Variants in CDH13 observed in about 807,000 individuals in gnomAD.
CDH13 encodes the protein cadherin-13.
A neutral mutation model predicts 63.8 loss-of-function variants in CDH13; 24 were observed. That is an observed-to-expected ratio of 0.38 (90% CI 0.27 to 0.53). The LOEUF (loss-of-function observed/expected upper bound fraction) is 0.53, where lower values mean the gene tolerates loss of function less well. Among genes scored for constraint, CDH13 ranks in the 20% least tolerant of loss-of-function variants. The pLI is 0.85. For missense variants in CDH13, 1,049 were observed against 903.1 expected (o/e 1.16, Z -2.07); for synonymous variants, 503 against 355.3 (o/e 1.42, Z -4.67).
chr16:83,165,465 AAG>A (rs1185046472), intron 4 of CDH13, among the ~76,000 whole-genome samples: 4 of 152,102 alleles, frequency 2.6e-5, no homozygotes, highest in East Asian at 3.9e-4. Context: ...CATCTACTGA[AAG>A]GCACTCAGCA....
chr16:83,359,157 T>A (rs1409494556), intron 6 of CDH13, among the ~76,000 whole-genome samples: 3 of 152,116 alleles, frequency 2.0e-5, no homozygotes, highest in Non-Finnish European at 4.4e-5. Context: ...ATCAATGTAT[T>A]CTGACAAGGG....
At chr16:83,089,782 G>C (rs2033804636) in intron 3 of CDH13, among the ~76,000 whole-genome samples, 2 of 152,206 alleles carry the variant, frequency 1.3e-5, no homozygotes, top group South Asian at 2.1e-4. Context: ...GAGTCCACAA[G>C]TTTCAGGACT....
chr16:82,876,861 A>G lies in CDH13; in HGVS notation c.157+18388A>G, dbSNP rs531427377. On this transcript the variant is annotated intron_variant, in intron 2 of 13. Coordinates refer to ENST00000567109, the MANE Select transcript of CDH13 (RefSeq NM_001257.5). ...TACTGAGTTTGGAGAGGTAGCCCAA[A>G]CAAGGGGAGGACTTGGGCAGTGCTG... Among the ~76,000 whole-genome samples the G allele has an allele frequency of 2.6e-5, 4 of 152,312 alleles. No individual in the cohort carries two copies. The East Asian group carries it at 7.7e-4, about 29-fold the overall frequency.
intron 3 of CDH13, among the ~76,000 whole-genome samples, chr16:83,059,431 G>T (rs574180083): frequency 7.2e-5 from 11 of 152,258 alleles, no homozygotes; most frequent in African/African-American, 1.9e-4. Context: ...AGAGCCAGGT[G>T]AGTGTGTGCT....
At chr16:82,799,534 A>G (rs2151157019) in intron 1 of CDH13, among the ~76,000 whole-genome samples, 1 of 152,324 alleles carries the variant, frequency 6.6e-6, no homozygotes, top group East Asian at 1.9e-4. Flanking sequence ...CTTTTTTGCA[A>G]CATTGCTAAT....
intron 3 of CDH13, among the ~76,000 whole-genome samples, chr16:83,082,305 A>G (rs938976937): frequency 3.3e-5 from 5 of 152,136 alleles, no homozygotes; most frequent in South Asian, 2.1e-4. Context: ...TCCAGCATCA[A>G]TTGTCAAACA....
At chr16:83,582,963 AC>A (rs1905766329) in intron 7 of CDH13, among the ~76,000 whole-genome samples, 1 of 152,154 alleles carries the variant, frequency 6.6e-6, no homozygotes, top group South Asian at 2.1e-4. Flanking sequence ...TAGAGGGCAA[AC>A]AACAACTGAA....
intron 3 of CDH13, among the ~76,000 whole-genome samples, chr16:83,053,522 A>C (rs919604482): frequency 3.9e-5 from 6 of 152,162 alleles, no homozygotes; most frequent in African/African-American, 1.4e-4. Context: ...TGATAAACAC[A>C]CCAATTGAAA....
chr16:83,239,566 C>G (rs1415304887), intron 5 of CDH13, among the ~76,000 whole-genome samples: 1 of 152,124 alleles, frequency 6.6e-6, no homozygotes, highest in African/African-American at 2.4e-5. Flanking sequence ...TTCTGGAGTT[C>G]ACAGCACACA....
intron 2 of CDH13, among the ~76,000 whole-genome samples, chr16:82,990,765 T>G (rs1181910781): frequency 6.6e-6 from 1 of 152,098 alleles, no homozygotes; most frequent in Non-Finnish European, 1.5e-5. Flanking sequence ...AGGCTGATTT[T>G]GAACTCCTGG....
intron 4 of CDH13, among the ~76,000 whole-genome samples, chr16:83,126,827 G>C (rs575145566): frequency 6.6e-6 from 1 of 152,296 alleles, no homozygotes; most frequent in South Asian, 2.1e-4. Context: ...TCCAAGCTTT[G>C]GACTGGGTGT....
rs182635444 is a variant in CDH13 at position 82,668,521 on chromosome 16, G to T, written c.45+41384G>T. Reference sequence around the variant, plus strand: ...AAAACCATTAGGGCAATGTTTTTTTGTTGTTGTTGTTTCTTCCTTAAGAAG... The same window carrying T: ...AAAACCATTAGGGCAATGTTTTTTTTTTGTTGTTGTTTCTTCCTTAAGAAG... On this transcript the variant is annotated intron_variant, in intron 1 of 13. Coordinates refer to ENST00000567109, the MANE Select transcript of CDH13 (RefSeq NM_001257.5). Among the ~76,000 whole-genome samples the T allele has an allele frequency of 5.1e-4, 77 of 151,124 alleles. 1 individual carries two copies. Among genetic ancestry groups the T allele is most frequent in the African/African-American group, 1.8e-3 (74 of 41,446 alleles).
chr16:82,990,777 C>G (rs1911565834), intron 2 of CDH13, among the ~76,000 whole-genome samples: 1 of 152,042 alleles, frequency 6.6e-6, no homozygotes, highest in Non-Finnish European at 1.5e-5. Flanking sequence ...AACTCCTGGT[C>G]TGAAGTGATC....
intron 5 of CDH13, among the ~76,000 whole-genome samples, chr16:83,225,569 G>A (rs918893732): frequency 3.9e-5 from 6 of 152,154 alleles, no homozygotes; most frequent in African/African-American, 1.4e-4. Flanking sequence ...TCCTGATAGG[G>A]GAAATTAGCC....
chr16:83,140,642 A>G (rs1319981289), intron 4 of CDH13, among the ~76,000 whole-genome samples: 1 of 151,996 alleles, frequency 6.6e-6, no homozygotes, highest in Non-Finnish European at 1.5e-5. Context: ...TTTAGTAGAG[A>G]AGGGGTTTTG....
At chr16:83,782,413 A>G (rs1915589224) in intron 12 of CDH13, among the ~76,000 whole-genome samples, 1 of 151,506 alleles carries the variant, frequency 6.6e-6, no homozygotes, top group Admixed American at 6.6e-5. Flanking sequence ...ACCCAAATGT[A>G]GAGCTGTGGA....
intron 5 of CDH13, among the ~76,000 whole-genome samples, chr16:83,230,068 G>T (rs1167764914): frequency 6.6e-6 from 1 of 152,202 alleles, no homozygotes; most frequent in African/African-American, 2.4e-5. Context: ...ACATTTAAAA[G>T]GGGTAGACCC....
intron 11 of CDH13, among the ~76,000 whole-genome samples, chr16:83,765,920 C>T (rs1914348602): frequency 6.6e-6 from 1 of 152,074 alleles, no homozygotes; most frequent in Admixed American, 6.6e-5. Flanking sequence ...CATGTATTTG[C>T]TCACAGCTGC....
intron 5 of CDH13, among the ~76,000 whole-genome samples, chr16:83,291,294 C>T (rs2089460187): frequency 6.6e-6 from 1 of 152,120 alleles, no homozygotes; most frequent in African/African-American, 2.4e-5. Context: ...TAAATATATT[C>T]AGGGGGTTCT....
Sources: gnomAD v4.1 joint callset for allele counts (sites outside exome capture counted in the v4.1 genomes callset) on GRCh38, gnomAD v4.1.1 for gene constraint, MANE v1.5 for transcripts, NCBI Gene and HGNC (gene_info 2026-07-23, HGNC 2026-07-21) for gene names.